The following NOTCH2 variants were observed in gnomAD, a reference collection of about 807,000 sequenced individuals.
NOTCH2 encodes notch receptor 2.
Under a neutral mutation model 235.8 loss-of-function variants are expected in NOTCH2, and 29 were observed. The observed-to-expected ratio is 0.12, with a 90% CI of 0.09 to 0.17. The LOEUF is 0.17. Among genes scored for constraint, NOTCH2 ranks in the 10% least tolerant of loss-of-function variants. NOTCH2 has a pLI of 1.00. For synonymous variants in NOTCH2, 1,086 were observed against 1,141.5 expected (o/e 0.95, Z 0.98); for missense variants, 2,285 against 3,150.2 (o/e 0.73, Z 6.57).
intron 30 of NOTCH2, 137 bp from the exon 31 acceptor site, chr1:119,919,750 G>T: frequency 1.2e-6 from 1 of 840,452 alleles, no homozygotes; most frequent in Non-Finnish European, 1.9e-6. Context: ...CTGGTTATTA[G>T]TTTCACATTT....
chr1:119,922,156 A>G, intron 28 of NOTCH2, 80 bp downstream of exon 28: 1 of 1,469,996 alleles, frequency 6.8e-7, no homozygotes, highest in South Asian at 1.2e-5. Flanking sequence ...TAGAATTTAA[A>G]ATCATGATTC....
At chr1:119,968,297 C>G in intron 6 of NOTCH2, 65 bp from the exon 7 acceptor site, 1 of 1,536,968 alleles carries the variant, frequency 6.5e-7, no homozygotes, top group Admixed American at 1.8e-5. Flanking sequence ...AGAGCTTTCT[C>G]TTTCACCCAG....
chr1:120,012,780 A>C lies in NOTCH2; in HGVS notation c.156-7192T>G, dbSNP rs1570745713. Among the ~76,000 whole-genome samples the C allele has an allele frequency of 2.6e-5, 4 of 152,234 alleles. No individual in the cohort carries two copies. The East Asian group carries it at 7.7e-4, about 29-fold the overall frequency. On this transcript the variant is annotated intron_variant, in intron 2 of 33. Coordinates refer to ENST00000256646, the MANE Select transcript of NOTCH2 (RefSeq NM_024408.4). ...TGAAATAGTACTTAACTGAAAGTGT[A>C]TGACTAAGTCTTGCCCCAAGACTAG...
Position 120,005,448 on chromosome 1 carries a change from T to C in NOTCH2, c.296A>G (p.Glu99Gly). 5 of 1,613,910 alleles carry C rather than the reference T, an allele frequency of 3.1e-6. No individual in the cohort carries two copies. Among genetic ancestry groups the C allele is most frequent in the Non-Finnish European group, 4.2e-6 (5 of 1,179,854 alleles). Reference sequence around the variant, plus strand: ...ATGAGATGTTGAGTACTGGCAGTCCTCTCCTGTAAACCCTGAGGCACATCG... The same window carrying C: ...ATGAGATGTTGAGTACTGGCAGTCCCCTCCTGTAAACCCTGAGGCACATCG... ...TCRCASGFTG[E>G]DCQYSTSHPC... The change falls in exon 3 of 34, where the codon GAG (glutamate) becomes GGG (glycine). Residue 99 changes from glutamate to glycine, a missense_variant. Glu to Gly is a moderately conservative substitution (Grantham distance 98). Transcript: ENST00000256646.
At chr1:119,925,222 CTGGAG>C in intron 25 of NOTCH2, 78 bp downstream of exon 25, 1 of 1,563,248 alleles carries the variant, frequency 6.4e-7, no homozygotes, top group Non-Finnish European at 8.8e-7. Flanking sequence ...GGCTGAAGCA[CTGGAG>C]TGGTTAGGAG....
At chr1:119,928,841 T>C in intron 23 of NOTCH2, 135 bp downstream of exon 23, 2 of 751,352 alleles carry the variant, frequency 2.7e-6, no homozygotes, top group South Asian at 3.0e-5. Flanking sequence ...AAACTGGCTT[T>C]AAAAAATTAA....
At chr1:119,965,692 T>A (rs952616953) in intron 9 of NOTCH2, 126 bp from the exon 10 acceptor site, 1 of 773,628 alleles carries the variant, frequency 1.3e-6, no homozygotes, top group South Asian at 1.4e-5. Context: ...TTTATTATTC[T>A]CCCCAACAGG....
chr1:119,984,658 G>A (rs894362753), intron 5 of NOTCH2, among the ~76,000 whole-genome samples: 2 of 152,108 alleles, frequency 1.3e-5, no homozygotes, highest in Non-Finnish European at 2.9e-5. Flanking sequence ...AATAGGATAG[G>A]GGCTGGGATG....
intron 3 of NOTCH2, among the ~76,000 whole-genome samples, chr1:119,997,957 C>A (rs1553204510): frequency 3.5e-5 from 5 of 142,464 alleles, no homozygotes; most frequent in Non-Finnish European, 3.0e-5. Context: ...CTGGGCGACA[C>A]AGCAAGACTC....
chr1:119,950,465 A>G lies in NOTCH2; in HGVS notation c.2479+259T>C, dbSNP rs1312700408. The G allele has an allele frequency of 1.1e-5, 7 of 611,290 alleles. No homozygotes were observed. In the Admixed American group the frequency reaches 1.5e-4, roughly 13 times the overall value. The allele number at this position is 611,290 out of a possible 1,614,324, so 37.9% of individuals were successfully genotyped here. A position where few individuals can be genotyped will look rare whatever the true frequency, so the allele number is the denominator to read the frequency against. ...AACCATCATCTATGTGCCTGGTTCC[A>G]GCCACATACAATTAAAAAAAAATTT... is the stretch of plus-strand genomic sequence containing the variant. On this transcript the variant is annotated intron_variant, in intron 15 of 33. Coordinates refer to ENST00000256646, the MANE Select transcript of NOTCH2 (RefSeq NM_024408.4).
chr1:120,001,377 G>A (rs1652745033), intron 3 of NOTCH2, among the ~76,000 whole-genome samples: 1 of 151,844 alleles, frequency 6.6e-6, no homozygotes, highest in African/African-American at 2.4e-5. Flanking sequence ...CATCAGGACT[G>A]CTACGGACCT....
At chr1:119,971,426 T>A (rs1651357775) in intron 5 of NOTCH2, among the ~76,000 whole-genome samples, 1 of 152,206 alleles carries the variant, frequency 6.6e-6, no homozygotes, top group African/African-American at 2.4e-5. Context: ...CCAAGCTACA[T>A]CACTGTATCT....
intron 3 of NOTCH2, 58 bp downstream of exon 3, chr1:120,005,271 G>A: frequency 6.2e-7 from 1 of 1,612,566 alleles, no homozygotes. Context: ...TCTAAAAGAT[G>A]CTAAATAAAG....
At chr1:119,936,487 T>C (rs1257825274) in intron 21 of NOTCH2, among the ~76,000 whole-genome samples, 3 of 152,202 alleles carry the variant, frequency 2.0e-5, no homozygotes, top group Non-Finnish European at 4.4e-5. Context: ...GCTAAAAATC[T>C]GCTTATTTGG....
rs182216631 is a variant in NOTCH2, at chr1:119,920,462, G to T, written c.5311-65C>A. Reference sequence around the variant, plus strand: ...CACCAGAAACTGCTAATCAGAAGGTGTCCAGAGCCTCCACCACCGCTGCTT... The same window carrying T: ...CACCAGAAACTGCTAATCAGAAGGTTTCCAGAGCCTCCACCACCGCTGCTT... On this transcript the variant is annotated intron_variant, in intron 29 of 33. Transcript: ENST00000256646. The T allele has an allele frequency of 5.1e-6, 8 of 1,554,322 alleles. No individual in the cohort carries two copies. The Admixed American group carries it at 8.3e-5, about 16-fold the overall frequency.
intron 12 of NOTCH2, among the ~76,000 whole-genome samples, chr1:119,956,632 C>T (rs978754424): frequency 1.3e-5 from 2 of 152,136 alleles, no homozygotes; most frequent in African/African-American, 4.8e-5. Context: ...GTCAGTGGCA[C>T]CAAAATATGA....
chr1:119,932,853 C>A (rs782072799), intron 22 of NOTCH2, among the ~76,000 whole-genome samples: 6 of 152,052 alleles, frequency 3.9e-5, no homozygotes, highest in Non-Finnish European at 8.8e-5. Flanking sequence ...GAAAGAAACA[C>A]AAACAACCAA....
Position 119,912,820 on chromosome 1 carries a change from T to TA in NOTCH2, c.*2485dup, listed in dbSNP as rs1325314138. On this transcript the variant is annotated 3_prime_UTR_variant, in exon 34 of 34. Coordinates refer to ENST00000256646, the MANE Select transcript of NOTCH2 (RefSeq NM_024408.4). Reference sequence around the variant, plus strand: ...GAGTTCTTAAAATCTAAGAGATCAGTAAAAAGTTTGAAAGGCAGTGTTGTC... The same window carrying TA: ...GAGTTCTTAAAATCTAAGAGATCAGTAAAAAAGTTTGAAAGGCAGTGTTGTC... 4.3e-6 allele frequency: 1 copy of TA among 233,432 alleles called. No homozygotes were observed. Among genetic ancestry groups the TA allele is most frequent in the Admixed American group, 5.6e-5 (1 of 17,778 alleles). The allele number at this position is 233,432 out of a possible 1,614,324, so 14.5% of individuals were successfully genotyped here.
intron 2 of NOTCH2, among the ~76,000 whole-genome samples, chr1:120,027,958 G>C (rs1346658190): frequency 7.4e-6 from 1 of 134,434 alleles, no homozygotes; most frequent in Non-Finnish European, 1.6e-5. Flanking sequence ...TGTCCTTATA[G>C]TAGAATGATT....
Sources: gnomAD v4.1 joint callset for allele counts (sites outside exome capture counted in the v4.1 genomes callset) on GRCh38, gnomAD v4.1.1 for gene constraint, MANE v1.5 for transcripts, NCBI Gene and HGNC (gene_info 2026-07-23, HGNC 2026-07-21) for gene names.